The following GZF1 variants were observed in gnomAD, a reference collection of about 807,000 sequenced individuals.
The protein encoded by GZF1 is GDNF inducible zinc finger protein 1.
In GZF1, 28 loss-of-function variants were observed where a neutral mutation model predicts 49.4. The observed-to-expected ratio is 0.57, with a 90% CI of 0.42 to 0.78. GZF1 has a LOEUF of 0.78. Ranked by LOEUF, GZF1 falls within the 30% of genes least tolerant of loss-of-function variation. GZF1 has a pLI of 0.00. For synonymous variants in GZF1, 364 were observed against 356.0 expected (o/e 1.02, Z -0.25); for missense variants, 798 against 916.2 (o/e 0.87, Z 1.67).
Position 23,370,494 on chromosome 20 carries a change from AAG to A in GZF1, c.*55_*56del. 8.7e-7 allele frequency: 1 copy of A among 1,154,640 alleles called. No homozygotes were observed. Among genetic ancestry groups the A allele is most frequent in the Non-Finnish European group, 1.3e-6 (1 of 778,404 alleles). The allele number at this position is 1,154,640 out of a possible 1,614,324, so 71.5% of individuals were successfully genotyped here. A position where few individuals can be genotyped will look rare whatever the true frequency, so the allele number is the denominator to read the frequency against. On this transcript the variant is annotated 3_prime_UTR_variant, in exon 6 of 6. Transcript: ENST00000338121. ...GTCTGCGTGTGTGGTAGCTGAACTC[AAG>A]ATGATGTGGGGCTAAGAAAAATAAT...
rs767598898 is a variant in GZF1 at position 23,364,916 on chromosome 20, C to G, written c.533C>G (p.Thr178Arg). The change falls in exon 2 of 6, where the codon ACG becomes AGG. Residue 178 changes from threonine to arginine, a missense_variant. Thr to Arg is a moderately conservative substitution (Grantham distance 71, BLOSUM62 -1). Transcript: ENST00000338121. ...ATDGPHPSGL[T>R]DSLDYPGERA... ...GATGGCCCTCACCCCAGTGGTCTCA[C>G]GGATTCCTTGGACTACCCAGGAGAG... is the stretch of plus-strand genomic sequence containing the variant. 1 of 1,614,208 alleles carries G rather than the reference C, an allele frequency of 6.2e-7. No individual in the cohort carries two copies. The highest frequency in any genetic ancestry group is 1.3e-5 in the African/African-American group (1 of 75,068).
chr20:23,363,533 C>T (rs765820688), intron 1 of GZF1, among the ~76,000 whole-genome samples: 96 of 152,112 alleles, frequency 6.3e-4, no homozygotes, highest in African/African-American at 5.8e-4. Context: ...GAGTTGAATC[C>T]GGGCACCAGG....
upstream of GZF1, among the ~76,000 whole-genome samples, chr20:23,361,525 C>G (rs561822785): frequency 7.2e-5 from 11 of 152,320 alleles, no homozygotes; most frequent in South Asian, 2.3e-3. Flanking sequence ...GGTGCGGTCC[C>G]GGCTCCTGGC....
chr20:23,361,741 G>C (rs1392374066), upstream of GZF1, among the ~76,000 whole-genome samples: 1 of 152,228 alleles, frequency 6.6e-6, no homozygotes, highest in African/African-American at 2.4e-5. Context: ...CTCGGCCTCG[G>C]GGACGTGAGC....
At chr20:23,366,855 T>G in intron 2 of GZF1, 148 bp from the exon 3 acceptor site, 27 of 638,522 alleles carry the variant, frequency 4.2e-5, no homozygotes, top group East Asian at 8.4e-5. Flanking sequence ...TATTTTGGGA[T>G]GGAGATTATG....
chr20:23,367,180 A>G, intron 3 of GZF1, 83 bp downstream of exon 3: 1 of 982,858 alleles, frequency 1.0e-6, no homozygotes, highest in Non-Finnish European at 1.6e-6. Flanking sequence ...GTTGGCATCT[A>G]CCAAGGTGGT....
At position 23,372,151 on chromosome 20, in the gene GZF1, A is replaced by G. The variant is rs913015808; in HGVS notation, c.*1710A>G. ...CACTTGATCAGAAGGAATTGAAACA[A>G]TAGATCATTTTGTTACCTACTGGAG... On this transcript the variant is annotated 3_prime_UTR_variant, in exon 6 of 6. Coordinates refer to ENST00000338121, the MANE Select transcript of GZF1 (RefSeq NM_022482.5). 2.0e-4 allele frequency: 30 copies of G among 152,666 alleles called. 1 individual carries two copies. The highest frequency in any genetic ancestry group is 2.0e-3 in the Admixed American group (30 of 15,286). The allele number at this position is 152,666 out of a possible 1,614,324, so 9.5% of individuals were successfully genotyped here.
chr20:23,368,385 T>G (rs999205712), intron 3 of GZF1, among the ~76,000 whole-genome samples: 1 of 152,234 alleles, frequency 6.6e-6, no homozygotes, highest in South Asian at 2.1e-4. Context: ...CAACTTCCCC[T>G]TTATTCTGAT....
chr20:23,369,123 G>T (rs1568589322), intron 4 of GZF1, among the ~76,000 whole-genome samples, 194 bp downstream of exon 4: 1 of 152,242 alleles, frequency 6.6e-6, no homozygotes, highest in Non-Finnish European at 1.5e-5. Context: ...ACTTATGTGT[G>T]TAAACGGGAG....
In GZF1 at chr20:23,365,230, C is replaced by T; in HGVS notation, c.847C>T (p.Gln283Ter). 1 of 1,602,742 alleles carries T rather than the reference C, an allele frequency of 6.2e-7. No individual in the cohort carries two copies. The highest frequency in any genetic ancestry group is 8.5e-7 in the Non-Finnish European group (1 of 1,173,886). The change falls in exon 2 of 6, where the codon CAG becomes TAG. Residue 283 changes from glutamine (Q) to a stop codon, truncating the protein, a stop_gained. Transcript: ENST00000338121. LOFTEE classifies it high-confidence loss of function. ...GCAGGTTTCCAAAAATGAGGGTTGC[C>T]AGGCAGGTGCTGAGTTGGAGGAATT... is the stretch of plus-strand genomic sequence containing the variant. ...MEQVSKNEGCQAGAELEELSK... is the reference protein window; with the variant it reads ...MEQVSKNEGC
Position 23,370,493 on chromosome 20 carries a change from C to T in GZF1, c.*52C>T. The T allele has an allele frequency of 1.7e-6, 2 of 1,165,768 alleles. No individual in the cohort carries two copies. The highest frequency in any genetic ancestry group is 3.1e-5 in the African/African-American group (2 of 65,014). 72.2% of individuals were successfully genotyped at this position (1,165,768 alleles called of 1,614,324 possible). On this transcript the variant is annotated 3_prime_UTR_variant, in exon 6 of 6. Coordinates refer to ENST00000338121, the MANE Select transcript of GZF1 (RefSeq NM_022482.5). ...AGTCTGCGTGTGTGGTAGCTGAACT[C>T]AAGATGATGTGGGGCTAAGAAAAAT...
intron 4 of GZF1, 41 bp downstream of exon 4, chr20:23,368,970 C>CAA: frequency 7.1e-7 from 1 of 1,406,372 alleles, no homozygotes; most frequent in South Asian, 1.4e-5. Context: ...TTAGTTTGGC[C>CAA]AAAAAAAAAA....
In GZF1 at chr20:23,365,600, G is replaced by C. The variant is rs1231842722; in HGVS notation, c.1217G>C (p.Arg406Pro). ...CAGGTGCATGAGGGCGGCGGCGAGCGGCACCGCTGCGGCCAGTGCGGCAAG... is the reference window on the plus strand; with the variant it reads ...CAGGTGCATGAGGGCGGCGGCGAGCCGCACCGCTGCGGCCAGTGCGGCAAG... ...VLQVHEGGGERHRCGQCGKGL... is the reference protein window; with the variant it reads ...VLQVHEGGGEPHRCGQCGKGL... Residue 406 changes from arginine to proline, a missense_variant, in exon 2 of 6, where the codon CGG becomes CCG. Transcript: ENST00000338121. The C allele has an allele frequency of 6.2e-7, 1 of 1,607,998 alleles. No homozygotes were observed. The highest frequency in any genetic ancestry group is 8.5e-7 in the Non-Finnish European group (1 of 1,179,444).
At chr20:23,367,943 CAG>C (rs1981592246) in intron 3 of GZF1, among the ~76,000 whole-genome samples, 1 of 152,184 alleles carries the variant, frequency 6.6e-6, no homozygotes, top group Non-Finnish European at 1.5e-5. Flanking sequence ...GCATGTGAGA[CAG>C]AGATGACATG....
chr20:23,368,739 CTTTA>C lies in GZF1; in HGVS notation c.1460-19_1460-16del, dbSNP rs372535162. The C allele has an allele frequency of 2.7e-4, 433 of 1,587,552 alleles. 2 individuals carry two copies. The highest frequency in any genetic ancestry group is 1.9e-3 in the Middle Eastern group (11 of 5,928). ...TTTTTAATGCCTGTATTGTTTATGA[CTTTA>C]TTTCATTTTCTCATGTAGGTGAAAG... On this transcript the variant is annotated intron_variant, in intron 3 of 5. Transcript: ENST00000338121.
At chr20:23,364,239 T>TTACCTGAGTAAAGCTAGGTTGTTAATA in intron 1 of GZF1, 124 bp from the exon 2 acceptor site, 1 of 555,526 alleles carries the variant, frequency 1.8e-6, no homozygotes, top group Non-Finnish European at 3.1e-6. Context: ...ATTCGAATCT[T>TTACCTGAGTAAAGCTAGGTTGTTAATA]TACCTGAGTA....
chr20:23,364,362 G>A lies in GZF1; in HGVS notation c.-21-1G>A. ...GCATAATTCTTGTTTCTTTTTCAAAGCTGTTTTTGGAAGGAAGAAAGATGG... is the reference window on the plus strand; with the variant it reads ...GCATAATTCTTGTTTCTTTTTCAAAACTGTTTTTGGAAGGAAGAAAGATGG... On this transcript the variant is annotated splice_acceptor_variant, in intron 1 of 5. Transcript: ENST00000338121. LOFTEE classifies it low-confidence loss of function (5UTR_SPLICE). The A allele has an allele frequency of 6.6e-7, 1 of 1,514,480 alleles. No individual in the cohort carries two copies. The highest frequency in any genetic ancestry group is 8.9e-7 in the Non-Finnish European group (1 of 1,124,236). The allele number at this position is 1,514,480 out of a possible 1,614,324, so 93.8% of individuals were successfully genotyped here.
chr20:23,361,785 C>A (rs1320201284), upstream of GZF1, among the ~76,000 whole-genome samples: 1 of 152,230 alleles, frequency 6.6e-6, no homozygotes, highest in African/African-American at 2.4e-5. Flanking sequence ...CAGGCCCTGA[C>A]CGCAGGCTGC....
In GZF1 at chr20:23,365,472, G is replaced by A. The variant is rs1187468417; in HGVS notation, c.1089G>A (p.Leu363=). The A allele has an allele frequency of 6.2e-7, 1 of 1,613,848 alleles. No homozygotes were observed. The highest frequency in any genetic ancestry group is 2.2e-5 in the East Asian group (1 of 44,882). ...AGACCTTCGCCAACCGCTGCAACCT[G>A]AAGAGCCACCAGCGCCACGTGCACA... ...CGQTFANRCN[L]KSHQRHVHSS... The change falls in exon 2 of 6, where the codon CTG becomes CTA. Residue 363 remains leucine (L), a synonymous_variant. Transcript: ENST00000338121.
Sources: gnomAD v4.1 joint callset for allele counts (sites outside exome capture counted in the v4.1 genomes callset) on GRCh38, gnomAD v4.1.1 for gene constraint, MANE v1.5 for transcripts, NCBI Gene and HGNC (gene_info 2026-07-23, HGNC 2026-07-21) for gene names.